The following CDC20B variants were observed in gnomAD, a reference collection of about 807,000 sequenced individuals.
The protein encoded by CDC20B is cell division cycle protein 20 homolog B.
Under a neutral mutation model 64.1 loss-of-function variants are expected in CDC20B, and 58 were observed. That is an observed-to-expected ratio of 0.90 (90% CI 0.73 to 1.13). The LOEUF (loss-of-function observed/expected upper bound fraction) is 1.13, where lower values mean the gene tolerates loss of function less well. CDC20B is among the 50% of genes most tolerant of loss of function. The pLI, the probability that CDC20B is intolerant of heterozygous loss-of-function variation, is 0.00. For missense variants in CDC20B, 597 were observed against 633.0 expected, an observed-to-expected ratio of 0.94 and a Z score of 0.61; for synonymous variants, 243 against 230.6, an observed-to-expected ratio of 1.05 and a Z score of -0.49.
At chr5:55,142,620 T>C (rs1173102299) in intron 4 of CDC20B, among the ~76,000 whole-genome samples, 1 of 152,138 alleles carries the variant, frequency 6.6e-6, no homozygotes, top group Non-Finnish European at 1.5e-5. Flanking sequence ...TGGCCCATGT[T>C]TGAGGCCACC....
chr5:55,156,750 T>G (rs916910326), intron 2 of CDC20B, among the ~76,000 whole-genome samples: 1 of 152,150 alleles, frequency 6.6e-6, no homozygotes, highest in African/African-American at 2.4e-5. Flanking sequence ...GGCGCGTGCC[T>G]GTAGTCCCAG....
intron 4 of CDC20B, among the ~76,000 whole-genome samples, chr5:55,141,195 T>C (rs556295649): frequency 6.6e-6 from 1 of 152,262 alleles, no homozygotes; most frequent in African/African-American, 2.4e-5. Flanking sequence ...TTACACTAGC[T>C]CTCTACACTG....
At chr5:55,120,342 TG>T (rs1397820156) in intron 10 of CDC20B, 82 bp downstream of exon 10, 10 of 1,499,934 alleles carry the variant, frequency 6.7e-6, no homozygotes, top group Non-Finnish European at 9.2e-6. Flanking sequence ...GAGAGCTTGT[TG>T]GGGGCATAGG....
Position 55,163,037 on chromosome 5 carries a change from T to G in CDC20B, c.126+9551A>C, listed in dbSNP as rs149969948. 2.0e-3 allele frequency among the ~76,000 whole-genome samples: 298 copies of G among 152,292 alleles called. 1 individual carries two copies. The highest frequency in any genetic ancestry group is 6.7e-3 in the African/African-American group (277 of 41,562). ...AATAATACCCACCTCATAGGGTCCC[T>G]GTAAGATTAAAAGAGAGGATCAATT... On this transcript the variant is annotated intron_variant, in intron 2 of 11. Coordinates refer to ENST00000381375, the MANE Select transcript of CDC20B (RefSeq NM_001170402.1).
At chr5:55,169,947 A>G (rs1475076514) in intron 2 of CDC20B, among the ~76,000 whole-genome samples, 1 of 152,172 alleles carries the variant, frequency 6.6e-6, no homozygotes, top group Non-Finnish European at 1.5e-5. Context: ...CCCCGTCTCT[A>G]CTAAAAATAC....
intron 9 of CDC20B, among the ~76,000 whole-genome samples, chr5:55,123,830 A>G (rs968455678): frequency 4.6e-5 from 7 of 152,230 alleles, no homozygotes; most frequent in Admixed American, 2.6e-4. Context: ...ATTTGGACCG[A>G]TCATCATTCT....
At chr5:55,131,003 G>A (rs186267016) in intron 6 of CDC20B, among the ~76,000 whole-genome samples, 1 of 151,974 alleles carries the variant, frequency 6.6e-6, no homozygotes, top group Admixed American at 6.6e-5. Flanking sequence ...GTGCCTGTGG[G>A]CCCAGCTACT....
chr5:55,143,340 T>C (rs1743380738), intron 4 of CDC20B, among the ~76,000 whole-genome samples, 173 bp downstream of exon 4: 1 of 152,254 alleles, frequency 6.6e-6, no homozygotes. Context: ...GGATATCTTC[T>C]TTCTTTTACA....
intron 6 of CDC20B, 34 bp downstream of exon 6, chr5:55,133,378 C>A: frequency 8.7e-7 from 1 of 1,155,734 alleles, no homozygotes; most frequent in Non-Finnish European, 1.2e-6. Context: ...TTTGTCATTT[C>A]AACTTTTAAT....
At chr5:55,135,334 T>C (rs182515510) in intron 5 of CDC20B, among the ~76,000 whole-genome samples, 31 of 152,312 alleles carry the variant, frequency 2.0e-4, no homozygotes, top group Non-Finnish European at 2.8e-4. Flanking sequence ...TCATAGAACA[T>C]ATATTTTTTT....
chr5:55,149,431 A>C (rs1396821651), intron 2 of CDC20B, among the ~76,000 whole-genome samples: 2 of 152,240 alleles, frequency 1.3e-5, no homozygotes, highest in African/African-American at 4.8e-5. Context: ...AATCACAATA[A>C]GAAGGTGCAG....
intron 3 of CDC20B, among the ~76,000 whole-genome samples, chr5:55,145,260 A>C (rs1743438541): frequency 6.6e-6 from 1 of 152,230 alleles, no homozygotes; most frequent in Non-Finnish European, 1.5e-5. Context: ...GTTATTAAAT[A>C]CTTTCAGTAT....
intron 2 of CDC20B, among the ~76,000 whole-genome samples, chr5:55,150,068 G>T (rs1380807322): frequency 6.6e-6 from 1 of 152,076 alleles, no homozygotes. Flanking sequence ...GGAGGCAGAG[G>T]TTGCAGTGAG....
chr5:55,134,146 C>T (rs336102), intron 5 of CDC20B, among the ~76,000 whole-genome samples: 24,732 of 151,948 alleles, frequency 0.16, 2,388 homozygotes, highest in South Asian at 0.3. Context: ...ATCAAAAGAC[C>T]ATACTAAGTT....
intron 2 of CDC20B, among the ~76,000 whole-genome samples, chr5:55,162,444 C>G (rs1256819583): frequency 1.3e-5 from 2 of 152,194 alleles, no homozygotes; most frequent in African/African-American, 4.8e-5. Context: ...CTAACTTATT[C>G]TGATGACATC....
chr5:55,122,696 A>T (rs1469719373), intron 9 of CDC20B, among the ~76,000 whole-genome samples: 1 of 152,204 alleles, frequency 6.6e-6, no homozygotes, highest in East Asian at 1.9e-4. Flanking sequence ...GAAGCACTGG[A>T]CCTATTGCCC....
chr5:55,163,364 T>C (rs555540057), intron 2 of CDC20B, among the ~76,000 whole-genome samples: 3 of 151,850 alleles, frequency 2.0e-5, no homozygotes, highest in Admixed American at 6.6e-5. Context: ...AAAAAAAAAG[T>C]TATTGCTTTT....
At chr5:55,135,675 G>A (rs1254110614) in intron 5 of CDC20B, 2 of 151,804 alleles carry the variant, frequency 1.3e-5, no homozygotes, top group South Asian at 2.1e-4. Context: ...CAGCCCACAG[G>A]GCACATGCAG....
At chr5:55,149,026 C>G (rs1017237843) in intron 2 of CDC20B, among the ~76,000 whole-genome samples, 1 of 152,132 alleles carries the variant, frequency 6.6e-6, no homozygotes, top group Non-Finnish European at 1.5e-5. Flanking sequence ...TTTGTAAGTA[C>G]AAAAAGATGT....
Sources: allele counts gnomAD v4.1 joint callset (sites outside exome capture counted in the v4.1 genomes callset), GRCh38; gene constraint gnomAD v4.1.1; transcripts MANE v1.5; gene names NCBI Gene and HGNC (gene_info 2026-07-23, HGNC 2026-07-21).